Variants in NCOA1 observed in about 807,000 individuals in gnomAD.
NCOA1 encodes nuclear receptor coactivator 1.
NCOA1 carries 35 observed loss-of-function variants against 150.9 expected under a neutral mutation model. The ratio of observed to expected loss-of-function variants is 0.23; its 90% CI spans 0.18 to 0.31. The LOEUF (loss-of-function observed/expected upper bound fraction) is 0.31, where lower values mean the gene tolerates loss of function less well. NCOA1 is among the 10% of genes least tolerant of loss of function. The probability of loss-of-function intolerance (pLI) is 1.00; values close to 1 mark genes in which losing one functional copy is unlikely to be tolerated. For synonymous variants in NCOA1, 590 were observed against 630.0 expected (o/e 0.94, Z 0.95); for missense variants, 1,491 against 1,749.3 (o/e 0.85, Z 2.63).
intron 2 of NCOA1, among the ~76,000 whole-genome samples, chr2:24,575,451 T>C (rs1302004378): frequency 6.6e-6 from 1 of 152,220 alleles, no homozygotes; most frequent in Non-Finnish European, 1.5e-5. Context: ...GGGTCTGTTT[T>C]TATTGATATT....
chr2:24,632,870 C>T (rs1294883890), intron 3 of NCOA1, among the ~76,000 whole-genome samples: 1 of 152,096 alleles, frequency 6.6e-6, no homozygotes, highest in Non-Finnish European at 1.5e-5. Flanking sequence ...CACAAAGAGC[C>T]TGGACAGATT....
intron 8 of NCOA1, among the ~76,000 whole-genome samples, chr2:24,683,873 T>A (rs1363643952): frequency 1.3e-5 from 2 of 152,194 alleles, no homozygotes; most frequent in African/African-American, 2.4e-5. Flanking sequence ...AATAAGAAAG[T>A]TTTCATATTA....
chr2:24,714,456 T>C (rs1279773741), intron 14 of NCOA1, among the ~76,000 whole-genome samples: 1 of 151,850 alleles, frequency 6.6e-6, no homozygotes, highest in Non-Finnish European at 1.5e-5. Context: ...GTTGAAGAAC[T>C]TAAGGGACAA....
intron 6 of NCOA1, 46 bp downstream of exon 6, chr2:24,665,961 G>C: frequency 8.4e-7 from 1 of 1,191,140 alleles, no homozygotes; most frequent in Non-Finnish European, 1.1e-6. Flanking sequence ...TTGTTATTAA[G>C]ACATTTATAA....
At chr2:24,537,412 TTA>T (rs556809039) in intron 1 of NCOA1, among the ~76,000 whole-genome samples, 9 of 151,636 alleles carry the variant, frequency 5.9e-5, no homozygotes, top group Admixed American at 2.0e-4. Context: ...ATGTGGGAGA[TTA>T]TATATATATG....
chr2:24,707,357 C>T lies in NCOA1; in HGVS notation c.1887C>T (p.Thr629=), dbSNP rs958351391. 6.2e-7 allele frequency: 1 copy of T among 1,614,050 alleles called. No homozygotes were observed. Among genetic ancestry groups the T allele is most frequent in the Non-Finnish European group, 8.5e-7 (1 of 1,180,034 alleles). The change falls in exon 13 of 23, where the codon ACC becomes ACT. Residue 629 remains threonine (T), a synonymous_variant. Transcript: ENST00000348332. ...LSDGDSKYSQ[T]SHKLVQLLTT... ...ATGGAGACAGTAAATACTCTCAAAC[C>T]AGTCACAAACTAGTGCAGCTTTTGA... is the stretch of plus-strand genomic sequence containing the variant.
At position 24,503,935 on chromosome 2, in the gene NCOA1, A is replaced by G. The variant is rs865848717; in HGVS notation, c.-396+12333A>G. 3.0e-4 allele frequency among the ~76,000 whole-genome samples: 45 copies of G among 152,168 alleles called. No homozygotes were observed. In the Middle Eastern group the frequency reaches 0.01, roughly 35 times the overall value. On this transcript the variant is annotated intron_variant, in intron 1 of 22. Transcript: ENST00000348332. Reference sequence around the variant, plus strand: ...TTTTTAGTAGAGACGGGGTTTCACCATGTTGGCCAGGCTGGTCTTGAACTC... The same window carrying G: ...TTTTTAGTAGAGACGGGGTTTCACCGTGTTGGCCAGGCTGGTCTTGAACTC...
chr2:24,624,400 C>T (rs1572506424), intron 3 of NCOA1, among the ~76,000 whole-genome samples: 1 of 152,154 alleles, frequency 6.6e-6, no homozygotes, highest in Non-Finnish European at 1.5e-5. Context: ...GCAAATAGTT[C>T]TGTCATAATC....
At chr2:24,582,285 T>C (rs1453131772) in intron 2 of NCOA1, among the ~76,000 whole-genome samples, 1 of 152,032 alleles carries the variant, frequency 6.6e-6, no homozygotes, top group Non-Finnish European at 1.5e-5. Context: ...AAAATCAACA[T>C]ACAAAAATCA....
At position 24,625,517 on chromosome 2, in the gene NCOA1, C is replaced by T. The variant is rs556898955; in HGVS notation, c.-174-18449C>T. Among the ~76,000 whole-genome samples the T allele has an allele frequency of 2.2e-3, 342 of 152,144 alleles. 1 individual carries two copies. Among genetic ancestry groups the T allele is most frequent in the Non-Finnish European group, 3.1e-3 (208 of 68,002 alleles). On this transcript the variant is annotated intron_variant, in intron 3 of 22. Coordinates refer to ENST00000348332, the MANE Select transcript of NCOA1 (RefSeq NM_003743.5). ...GTTTTATTTCTTTCACTGATTTCTG[C>T]ATTTAGATTATCTTCTTTCTTTTAC...
chr2:24,608,880 C>G (rs1359341692), intron 3 of NCOA1, among the ~76,000 whole-genome samples: 1 of 151,902 alleles, frequency 6.6e-6, no homozygotes, highest in Non-Finnish European at 1.5e-5. Flanking sequence ...CAGATATTCT[C>G]TCTGTTGGGG....
intron 2 of NCOA1, among the ~76,000 whole-genome samples, chr2:24,576,149 GTTTTTTTT>G (rs1183405187): frequency 1.1e-5 from 1 of 94,026 alleles, no homozygotes; most frequent in South Asian, 3.2e-4. Context: ...TTTGGCCTTT[GTTTTTTTT>G]TTTTTGTTTT....
intron 5 of NCOA1, among the ~76,000 whole-genome samples, chr2:24,664,459 C>T (rs1219675737): frequency 6.6e-6 from 1 of 151,928 alleles, no homozygotes; most frequent in African/African-American, 2.4e-5. Flanking sequence ...GCCTATAATC[C>T]CAACACTTTG....
intron 12 of NCOA1, among the ~76,000 whole-genome samples, chr2:24,706,249 A>G (rs1290192122): frequency 6.6e-6 from 1 of 152,148 alleles, no homozygotes; most frequent in Non-Finnish European, 1.5e-5. Flanking sequence ...TTAAAAGAAC[A>G]TATATTGGAT....
chr2:24,706,998 C>T lies in NCOA1; in HGVS notation c.1528C>T (p.Pro510Ser). 1 of 1,614,154 alleles carries T rather than the reference C, an allele frequency of 6.2e-7. No individual in the cohort carries two copies. The highest frequency in any genetic ancestry group is 8.5e-7 in the Non-Finnish European group (1 of 1,180,020). ...RPRMPNNSFP[P>S]NISTLSSPVG... ...CAGGATGCCAAACAATTCCTTTCCT[C>T]CTAATATTTCGACATTAAGCTCTCC... The change falls in exon 13 of 23, where the codon CCT becomes TCT. Residue 510 changes from proline to serine, a missense_variant. Physicochemically the swap from Pro to Ser is moderately conservative, Grantham distance 74 (BLOSUM62 -1). Around this residue, in one of 8 missense-constraint regions of NCOA1, gnomAD observed 703 missense variants for 717.7 expected, o/e 0.98. Coordinates refer to ENST00000348332, the MANE Select transcript of NCOA1 (RefSeq NM_003743.5).
chr2:24,739,301 A>G (rs952298957), intron 17 of NCOA1, 131 bp from the exon 18 acceptor site: 5 of 644,950 alleles, frequency 7.8e-6, no homozygotes, highest in African/African-American at 3.7e-5. Flanking sequence ...GAAAATAAAC[A>G]TAGGAAATAA....
chr2:24,491,486 GGGGCCGGAGAGCCGCGGCGCC>G lies in NCOA1; in HGVS notation c.-506_-486del, dbSNP rs1189362886. ...CGGGGGGACCCCTGCTCCGGAGGAG[GGGGCCGGAGAGCCGCGGCGCC>G]GGGCCCGAGGAGCGGCGGAGGCCGG... On this transcript the variant is annotated 5_prime_UTR_variant, in exon 1 of 23. Coordinates refer to ENST00000348332, the MANE Select transcript of NCOA1 (RefSeq NM_003743.5). Among the ~76,000 whole-genome samples, 2 of 788 alleles carry G rather than the reference GGGGCCGGAGAGCCGCGGCGCC, an allele frequency of 2.5e-3. No homozygotes were observed. The highest frequency in any genetic ancestry group is 0.5 in the Middle Eastern group (1 of 2). 0.5% of individuals were successfully genotyped at this position (788 alleles called of 152,430 possible).
At chr2:24,547,372 T>C (rs1665644265) in intron 1 of NCOA1, among the ~76,000 whole-genome samples, 1 of 152,210 alleles carries the variant, frequency 6.6e-6, no homozygotes, top group Non-Finnish European at 1.5e-5. Context: ...TTAATAAGTA[T>C]CTTGGTTTAT....
At chr2:24,580,464 T>C (rs546450420) in intron 2 of NCOA1, among the ~76,000 whole-genome samples, 1 of 152,348 alleles carries the variant, frequency 6.6e-6, no homozygotes, top group Non-Finnish European at 1.5e-5. Context: ...GGCTATTTTT[T>C]CTCTGTTGTT....
Sources: allele counts gnomAD v4.1 joint callset (sites outside exome capture counted in the v4.1 genomes callset), GRCh38; gene constraint gnomAD v4.1.1; regional missense constraint gnomAD v4.1.1; transcripts MANE v1.5; gene names NCBI Gene and HGNC (gene_info 2026-07-23, HGNC 2026-07-21).